Variants in NBPF15 observed in about 807,000 individuals in gnomAD.
NBPF15 encodes NBPF member 15.
NBPF15 carries 74 observed loss-of-function variants against 62.2 expected under a neutral mutation model. The ratio of observed to expected loss-of-function variants is 1.19; its 90% CI spans 0.99 to 1.44. The LOEUF is 1.44. Ranked by LOEUF, NBPF15 falls within the 40% of genes most tolerant of loss-of-function variation. The pLI, the probability that NBPF15 is intolerant of heterozygous loss-of-function variation, is 0.00. For missense variants in NBPF15, 790 were observed against 550.0 expected, an observed-to-expected ratio of 1.44 and a Z score of -4.36; for synonymous variants, 244 against 209.7, an observed-to-expected ratio of 1.16 and a Z score of -1.41.
chr1:144,432,245 G>A (rs1489859258), intron 13 of NBPF15, among the ~76,000 whole-genome samples: 2 of 151,816 alleles, frequency 1.3e-5, no homozygotes, highest in Non-Finnish European at 2.9e-5. Flanking sequence ...ATCCTTTACA[G>A]AGAAGCAAAT....
At chr1:144,455,268 G>T (rs1214461003) in intron 4 of NBPF15, among the ~76,000 whole-genome samples, 7 of 150,802 alleles carry the variant, frequency 4.6e-5, no homozygotes, top group African/African-American at 1.7e-4. Flanking sequence ...GAGAAGTAGG[G>T]AAGGGAGAGA....
intron 19 of NBPF15, among the ~76,000 whole-genome samples, chr1:144,425,204 A>C (rs1668896160): frequency 7.8e-6 from 1 of 128,574 alleles, no homozygotes; most frequent in South Asian, 3.0e-4. Flanking sequence ...CCCTCAGGAC[A>C]CACAGCATAC....
In NBPF15 at chr1:144,424,717, G is replaced by A; in HGVS notation, c.1636C>T (p.His546Tyr). ...CCCACGTCAAGAGAAAAGCCAACAT[G>A]TTTTTCCTCCAATGCATAAAAGGAA... is the stretch of plus-strand genomic sequence containing the variant. ...GSSFYALEEKHVGFSLDVGEI... is the reference protein window; with the variant it reads ...GSSFYALEEKYVGFSLDVGEI... The change falls in exon 20 of 22, where the codon CAT (histidine) becomes TAT (tyrosine). Residue 546 changes from histidine (H) to tyrosine (Y), a missense_variant. Physicochemically the swap from His to Tyr is moderately conservative, Grantham distance 83. Coordinates refer to ENST00000581897, the MANE Select transcript of NBPF15 (RefSeq NM_001385408.1). 3 of 615,254 alleles carry A rather than the reference G, an allele frequency of 4.9e-6. No homozygotes were observed. Among genetic ancestry groups the A allele is most frequent in the South Asian group, 3.9e-5 (2 of 50,822 alleles). The allele number at this position is 615,254 out of a possible 1,614,324, so 38.1% of individuals were successfully genotyped here.
At chr1:144,423,697 G>A (rs1359064955) in intron 21 of NBPF15, among the ~76,000 whole-genome samples, 173 bp downstream of exon 21, 9 of 151,872 alleles carry the variant, frequency 5.9e-5, no homozygotes, top group African/African-American at 1.9e-4. Flanking sequence ...AAATGATAAG[G>A]GGAGGAAGAA....
chr1:144,442,711 A>C (rs1175531139), intron 6 of NBPF15: 1 of 176,622 alleles, frequency 5.7e-6, no homozygotes, highest in East Asian at 1.5e-4. Flanking sequence ...CTTCCTCAAC[A>C]TCACGCCAGC....
intron 8 of NBPF15, among the ~76,000 whole-genome samples, chr1:144,439,503 T>C (rs1464505294): frequency 4.6e-5 from 7 of 152,080 alleles, no homozygotes; most frequent in Non-Finnish European, 1.0e-4. Flanking sequence ...GTTATTTGTC[T>C]GCAGGATCTT....
chr1:144,450,983 T>G (rs1436254455), intron 4 of NBPF15, 113 bp from the exon 5 acceptor site: 1 of 152,550 alleles, frequency 6.6e-6, no homozygotes, highest in Admixed American at 6.6e-5. Context: ...AGAGACAAAG[T>G]ACAGAGAAAG....
chr1:144,426,569 A>T (rs1669812980), intron 17 of NBPF15, 119 bp from the exon 18 acceptor site: 4 of 718,548 alleles, frequency 5.6e-6, no homozygotes, highest in Non-Finnish European at 5.2e-6. Context: ...GGATCCATTA[A>T]TGAGGTAATG....
At chr1:144,434,849 C>T (rs1399172885) in intron 12 of NBPF15, among the ~76,000 whole-genome samples, 1 of 151,960 alleles carries the variant, frequency 6.6e-6, no homozygotes, top group African/African-American at 2.4e-5. Context: ...GCTAGGAGGC[C>T]TGACAGATAT....
At chr1:144,435,043 G>T (rs1274314262) in intron 12 of NBPF15, 68 bp downstream of exon 12, 22,948 of 1,610,926 alleles carry the variant, frequency 0.014, 550 homozygotes, top group South Asian at 0.052. Context: ...TGTTGATAGA[G>T]CCTGTCTTCA....
In NBPF15 at chr1:144,426,392, T is replaced by A. The variant is rs1368147645; in HGVS notation, c.1324A>T (p.Arg442Ter). The A allele has an allele frequency of 1.2e-6, 1 of 827,950 alleles. No individual in the cohort carries two copies. The highest frequency in any genetic ancestry group is 1.7e-5 in the African/African-American group (1 of 59,500). The allele number at this position is 827,950 out of a possible 1,614,324, so 51.3% of individuals were successfully genotyped here. A position where few individuals can be genotyped will look rare whatever the true frequency, so the allele number is the denominator to read the frequency against. Residue 442 changes from arginine to a stop codon, truncating the protein, a stop_gained, in exon 18 of 22, where the codon AGA (arginine) becomes TGA (stop). Coordinates refer to ENST00000581897, the MANE Select transcript of NBPF15 (RefSeq NM_001385408.1). LOFTEE classifies it high-confidence loss of function. Reference sequence around the variant, plus strand: ...TAATCTGAAGGAGTCGAATAACATCTATCCAGTGAGTCCTGCAAGACTTCA... The same window carrying A: ...TAATCTGAAGGAGTCGAATAACATCAATCCAGTGAGTCCTGCAAGACTTCA... ...EPEVLQDSLDRCYSTPSDYLE... is the reference protein window; with the variant it reads ...EPEVLQDSLD
rs1375154510 is a variant in NBPF15, at chr1:144,422,832, T to C, written c.*181A>G. 17 of 1,468,688 alleles carry C rather than the reference T, an allele frequency of 1.2e-5. No individual in the cohort carries two copies. Among genetic ancestry groups the C allele is most frequent in the Admixed American group, 1.9e-5 (1 of 52,294 alleles). 91.0% of individuals were successfully genotyped at this position (1,468,688 alleles called of 1,614,324 possible). Reference sequence around the variant, plus strand: ...GTGAACGTGTCACACCTAACATGGGTCCATTGTCTTCAGATTGAGCACAGG... The same window carrying C: ...GTGAACGTGTCACACCTAACATGGGCCCATTGTCTTCAGATTGAGCACAGG... On this transcript the variant is annotated 3_prime_UTR_variant, in exon 22 of 22. Coordinates refer to ENST00000581897, the MANE Select transcript of NBPF15 (RefSeq NM_001385408.1).
intron 14 of NBPF15, among the ~76,000 whole-genome samples, chr1:144,429,178 T>C (rs1359816427): frequency 2.0e-5 from 3 of 151,296 alleles, no homozygotes; most frequent in East Asian, 1.9e-4. Flanking sequence ...AGGAACATGA[T>C]GGACAGATGA....
At chr1:144,459,597 T>C (rs1415817373) in intron 2 of NBPF15, 114 bp from the exon 3 acceptor site, 1 of 151,474 alleles carries the variant, frequency 6.6e-6, no homozygotes, top group African/African-American at 2.4e-5. Flanking sequence ...TACATATATA[T>C]CGTAGAAAGG....
chr1:144,424,322 A>G (rs1426971924), intron 20 of NBPF15, among the ~76,000 whole-genome samples: 67 of 151,664 alleles, frequency 4.4e-4, no homozygotes, highest in Middle Eastern at 3.4e-3. Context: ...GTCTCATCAA[A>G]TACTCAGATT....
chr1:144,457,503 T>G (rs1648918027), intron 3 of NBPF15, among the ~76,000 whole-genome samples: 1 of 152,084 alleles, frequency 6.6e-6, no homozygotes, highest in Non-Finnish European at 1.5e-5. Flanking sequence ...TTTTATTTGT[T>G]AGATGGTGAA....
At chr1:144,428,696 G>A in intron 14 of NBPF15, 39 bp from the exon 15 acceptor site, 1 of 828,894 alleles carries the variant, frequency 1.2e-6, no homozygotes, top group Non-Finnish European at 2.1e-6. Context: ...ACATTAAGCA[G>A]TTCTTCCTTG....
rs1218260682 is a variant in NBPF15, at chr1:144,439,930, C to T, written c.74G>A (p.Arg25His). ...MNILEINEKL[R>H]PQLAEKKQQF... is the part of the protein sequence containing the mutation. ...CTGTTTCTTCTCTGCCAACTGGGGG[C>T]GCAATTTCTCATTGATTTCTAGAAT... The change falls in exon 8 of 22, where the codon CGC becomes CAC. Residue 25 changes from arginine to histidine, a missense_variant. Transcript: ENST00000581897. 79 of 1,610,936 alleles carry T rather than the reference C, an allele frequency of 4.9e-5. 1 individual carries two copies. Among genetic ancestry groups the T allele is most frequent in the South Asian group, 9.9e-5 (9 of 90,942 alleles).
rs1272152211 is a variant in NBPF15 at position 144,422,865 on chromosome 1, T to A, written c.*148A>T. ...CTTCAGATTGAGCACAGGTTGCCAA[T>A]GGCATGGTTTGAGAATAGGAATAGA... is the stretch of plus-strand genomic sequence containing the variant. On this transcript the variant is annotated 3_prime_UTR_variant, in exon 22 of 22. Transcript: ENST00000581897. 7.0e-6 allele frequency: 11 copies of A among 1,573,688 alleles called. 1 individual carries two copies. In the Middle Eastern group the frequency reaches 9.5e-4, roughly 136 times the overall value.
Sources: gnomAD v4.1 joint callset for allele counts (sites outside exome capture counted in the v4.1 genomes callset) on GRCh38, gnomAD v4.1.1 for gene constraint, MANE v1.5 for transcripts, NCBI Gene and HGNC (gene_info 2026-07-23, HGNC 2026-07-21) for gene names.